The following BMAL2 variants were observed in gnomAD, a reference collection of about 807,000 sequenced individuals.
BMAL2 encodes basic helix-loop-helix ARNT-like protein 2.
the BMAL2 span, chr12:27,376,384 T>G: frequency 6.2e-7 from 1 of 1,613,858 alleles, no homozygotes; most frequent in Non-Finnish European, 8.5e-7. Context: ...ATGAAGGCCT[T>G]CAGGTACAAT....
the BMAL2 span, chr12:27,389,263 A>G: frequency 1.2e-6 from 2 of 1,610,452 alleles, no homozygotes; most frequent in Non-Finnish European, 1.7e-6. Flanking sequence ...TTCTTTTGAT[A>G]TTTCACCAAG....
the BMAL2 span, among the ~76,000 whole-genome samples, chr12:27,399,688 C>T: frequency 6.6e-6 from 1 of 152,144 alleles, no homozygotes; most frequent in Non-Finnish European, 1.5e-5. Context: ...CAATTTGAAA[C>T]AATGATTGTT....
At chr12:27,416,414 A>G in the BMAL2 span, among the ~76,000 whole-genome samples, 1 of 152,198 alleles carries the variant, frequency 6.6e-6, no homozygotes, top group South Asian at 2.1e-4. Context: ...AAAAGCTTAA[A>G]TAATACAAGC....
chr12:27,337,139 G>A, the BMAL2 span, among the ~76,000 whole-genome samples: 5 of 151,900 alleles, frequency 3.3e-5, no homozygotes, highest in Non-Finnish European at 7.4e-5. Context: ...TAAATCTCTA[G>A]ATGGTACCAT....
the BMAL2 span, among the ~76,000 whole-genome samples, chr12:27,369,920 C>CT: frequency 6.6e-6 from 1 of 152,158 alleles, no homozygotes; most frequent in Non-Finnish European, 1.5e-5. Context: ...AAGGAAGAAG[C>CT]TAGAACTCAG....
At chr12:27,338,221 A>G in the BMAL2 span, among the ~76,000 whole-genome samples, 1 of 152,246 alleles carries the variant, frequency 6.6e-6, no homozygotes, top group East Asian at 1.9e-4. Context: ...AGAGAAGCAG[A>G]AGTGGATAAA....
the BMAL2 span, among the ~76,000 whole-genome samples, chr12:27,349,308 C>A: frequency 2.0e-5 from 3 of 152,184 alleles, no homozygotes; most frequent in Non-Finnish European, 2.9e-5. Context: ...TGATAGTTTG[C>A]ATATTGAATA....
At chr12:27,403,080 C>T in the BMAL2 span, among the ~76,000 whole-genome samples, 25 of 152,118 alleles carry the variant, frequency 1.6e-4, no homozygotes, top group South Asian at 4.1e-4. Context: ...GACAAATTAA[C>T]GAAAAGTATT....
chr12:27,380,136 GGAA>G, the BMAL2 span: 1 of 1,063,228 alleles, frequency 9.4e-7, no homozygotes, highest in Non-Finnish European at 1.4e-6. Flanking sequence ...CAAGTGGGGA[GGAA>G]GAACAGTGTG....
At chr12:27,382,690 CT>C in the BMAL2 span, among the ~76,000 whole-genome samples, 4 of 152,320 alleles carry the variant, frequency 2.6e-5, no homozygotes, top group East Asian at 7.7e-4. Context: ...CATCCCCACA[CT>C]TGCTCGGCAA....
chr12:27,416,550 G>A, the BMAL2 span, among the ~76,000 whole-genome samples: 2 of 152,156 alleles, frequency 1.3e-5, no homozygotes, highest in Admixed American at 1.3e-4. Flanking sequence ...CAGTATAATT[G>A]TAATTTAGCA....
chr12:27,416,616 G>A, the BMAL2 span, among the ~76,000 whole-genome samples: 1 of 152,112 alleles, frequency 6.6e-6, no homozygotes, highest in Admixed American at 6.6e-5. Context: ...AAGACTACAG[G>A]AGAAAGGAGA....
chr12:27,388,079 CCACACATGCACA>C, the BMAL2 span, among the ~76,000 whole-genome samples: 5 of 151,042 alleles, frequency 3.3e-5, no homozygotes, highest in African/African-American at 9.8e-5. Context: ...GAAAACACAC[CCACACATGCACA>C]CACACATGCA....
the BMAL2 span, among the ~76,000 whole-genome samples, chr12:27,341,457 G>T: frequency 1.3e-5 from 2 of 152,190 alleles, no homozygotes; most frequent in Admixed American, 1.3e-4. Flanking sequence ...GCTCCCCACG[G>T]ATAAAGCCTA....
At chr12:27,414,585 T>C in the BMAL2 span, among the ~76,000 whole-genome samples, 13 of 151,900 alleles carry the variant, frequency 8.6e-5, no homozygotes. Context: ...AAAGGGGAAA[T>C]TTAAAAATCT....
At chr12:27,356,333 G>C in the BMAL2 span, among the ~76,000 whole-genome samples, 2 of 152,268 alleles carry the variant, frequency 1.3e-5, no homozygotes, top group South Asian at 4.1e-4. Context: ...GTAGTGAATA[G>C]GGCTGAGGCA....
the BMAL2 span, chr12:27,376,442 A>G: frequency 3.9e-6 from 6 of 1,538,074 alleles, no homozygotes; most frequent in Admixed American, 1.7e-5. Context: ...CACAAAGGCA[A>G]GCCTGTAGCC....
At chr12:27,336,532 C>T in the BMAL2 span, among the ~76,000 whole-genome samples, 39 of 152,312 alleles carry the variant, frequency 2.6e-4, no homozygotes, top group African/African-American at 7.0e-4. Context: ...TATGCCCTGC[C>T]GCACCCTGTT....
At chr12:27,409,561 G>T in the BMAL2 span, among the ~76,000 whole-genome samples, 20 of 152,176 alleles carry the variant, frequency 1.3e-4, no homozygotes, top group Admixed American at 3.3e-4. Context: ...GCTGAAACTG[G>T]ATCCCTTCCT....
Sources: allele counts gnomAD v4.1 joint callset (sites outside exome capture counted in the v4.1 genomes callset), GRCh38; gene constraint gnomAD v4.1.1; transcripts MANE v1.5; gene names NCBI Gene and HGNC (gene_info 2026-07-23, HGNC 2026-07-21).